Variants in SFI1 observed in about 807,000 individuals in gnomAD.
The protein encoded by SFI1 is protein SFI1 homolog.
SFI1 carries 195 observed loss-of-function variants against 207.5 expected under a neutral mutation model. The observed-to-expected ratio is 0.94, with a 90% CI of 0.84 to 1.06. SFI1 has a LOEUF of 1.06. Ranked by LOEUF, SFI1 falls within the 50% of genes least tolerant of loss-of-function variation. SFI1 has a pLI of 0.00. For missense variants in SFI1, 1,634 were observed against 1,588.0 expected, an observed-to-expected ratio of 1.03 and a Z score of -0.49; for synonymous variants, 630 against 598.9, an observed-to-expected ratio of 1.05 and a Z score of -0.76.
intron 21 of SFI1, chr22:31,606,693 C>CTTTTT (rs10524692): frequency 2.8e-4 from 32 of 115,506 alleles, no homozygotes; most frequent in East Asian, 7.4e-4. Context: ...TTCTTTTTTT[C>CTTTTT]TTTTTTTTTT....
At chr22:31,525,989 GA>G (rs1250089494) in intron 2 of SFI1, among the ~76,000 whole-genome samples, 1 of 152,120 alleles carries the variant, frequency 6.6e-6, no homozygotes, top group Admixed American at 6.6e-5. Context: ...CTATTTATGT[GA>G]AGAATGTCAC....
chr22:31,538,970 A>G (rs1177215690), intron 4 of SFI1, among the ~76,000 whole-genome samples: 2 of 152,180 alleles, frequency 1.3e-5, no homozygotes. Flanking sequence ...ACACCATAGT[A>G]TGCCCGAAAC....
At chr22:31,513,517 C>T (rs549518779) in intron 2 of SFI1, among the ~76,000 whole-genome samples, 8 of 151,908 alleles carry the variant, frequency 5.3e-5, no homozygotes, top group Admixed American at 2.0e-4. Flanking sequence ...ATATAGTACT[C>T]GGGCGTGGTG....
At chr22:31,606,193 G>A in intron 20 of SFI1, 135 bp from the exon 21 acceptor site, 1 of 737,706 alleles carries the variant, frequency 1.4e-6, no homozygotes, top group South Asian at 1.7e-5. Flanking sequence ...AAACATAGGT[G>A]TTGGTGAAAC....
At chr22:31,614,344 A>G (rs755121384) in intron 27 of SFI1, 15 of 369,932 alleles carry the variant, frequency 4.1e-5, no homozygotes, top group Non-Finnish European at 1.6e-5. Flanking sequence ...GCCCTGCCCC[A>G]TGCTGATGAA....
chr22:31,506,885 C>G (rs924301761), intron 1 of SFI1, among the ~76,000 whole-genome samples: 2 of 151,986 alleles, frequency 1.3e-5, no homozygotes, highest in African/African-American at 4.8e-5. Flanking sequence ...GAAAAACATT[C>G]CATGCTCATG....
In SFI1 at chr22:31,614,841, G is replaced by C. The variant is rs764630478; in HGVS notation, c.3049G>C (p.Glu1017Gln). The change falls in exon 28 of 33, where the codon GAG becomes CAG. Residue 1017 changes from glutamate to glutamine, a missense_variant. Physicochemically the swap from Glu to Gln is conservative, Grantham distance 29. Coordinates refer to ENST00000400288, the MANE Select transcript of SFI1 (RefSeq NM_001007467.3). ...KQPRRPHFLLEPAQSQRPQKP... is the reference protein window; with the variant it reads ...KQPRRPHFLLQPAQSQRPQKP... ...GCCGCGACGCCCACACTTCCTGTTGGAGCCTGCGCAGAGCCAGAGGTCCCT... is the reference window on the plus strand; with the variant it reads ...GCCGCGACGCCCACACTTCCTGTTGCAGCCTGCGCAGAGCCAGAGGTCCCT... The C allele has an allele frequency of 4.3e-6, 7 of 1,613,726 alleles. No homozygotes were observed. In the East Asian group the frequency reaches 1.6e-4, roughly 36 times the overall value.
intron 12 of SFI1, among the ~76,000 whole-genome samples, chr22:31,582,786 C>T (rs1404109983): frequency 6.6e-6 from 1 of 152,110 alleles, no homozygotes; most frequent in East Asian, 1.9e-4. Context: ...ATTCTAGAGA[C>T]CTCATAGGTG....
chr22:31,522,856 A>T (rs2057442388), intron 2 of SFI1, among the ~76,000 whole-genome samples: 1 of 152,134 alleles, frequency 6.6e-6, no homozygotes. Context: ...GGGTTTCACC[A>T]TGTTGGCCAG....
Position 31,515,434 on chromosome 22 carries a change from G to C in SFI1, c.92+7058G>C, listed in dbSNP as rs566457424. ...CATGATCATGGCTCACTGCAGCGTC[G>C]ACCTGCCAGCTCATGCAATCCTCCT... On this transcript the variant is annotated intron_variant, in intron 2 of 32. Coordinates refer to ENST00000400288, the MANE Select transcript of SFI1 (RefSeq NM_001007467.3). 2.0e-5 allele frequency among the ~76,000 whole-genome samples: 3 copies of C among 148,742 alleles called. No individual in the cohort carries two copies. In the South Asian group the frequency reaches 6.4e-4, roughly 32 times the overall value.
At chr22:31,606,589 A>C in intron 21 of SFI1, 159 bp downstream of exon 21, 1 of 575,428 alleles carries the variant, frequency 1.7e-6, no homozygotes, top group East Asian at 2.8e-5. Context: ...CCATGTGGGC[A>C]CATGTTTAGT....
intron 22 of SFI1, 107 bp from the exon 23 acceptor site, chr22:31,611,036 T>G: frequency 1.4e-6 from 2 of 1,463,262 alleles, no homozygotes; most frequent in Admixed American, 1.7e-5. Context: ...GCTGGACACC[T>G]GAACTCTATC....
At chr22:31,518,157 T>A (rs569901346) in intron 2 of SFI1, among the ~76,000 whole-genome samples, 1 of 152,284 alleles carries the variant, frequency 6.6e-6, no homozygotes, top group Admixed American at 6.5e-5. Flanking sequence ...TGGCTGTTTT[T>A]TGTATTTTTA....
chr22:31,595,977 G>A (rs192044565), intron 15 of SFI1, among the ~76,000 whole-genome samples: 10 of 152,328 alleles, frequency 6.6e-5, no homozygotes, highest in Admixed American at 5.2e-4. Context: ...TTCAGGCCAG[G>A]TGTGGCGGCT....
At chr22:31,508,152 A>C in intron 1 of SFI1, 103 bp from the exon 2 acceptor site, 1 of 677,344 alleles carries the variant, frequency 1.5e-6, no homozygotes, top group Non-Finnish European at 2.7e-6. Flanking sequence ...CTAGTGTTGA[A>C]TTAAGGAGAG....
chr22:31,596,538 C>T (rs1447038679), intron 15 of SFI1, among the ~76,000 whole-genome samples: 1 of 151,960 alleles, frequency 6.6e-6, no homozygotes, highest in Non-Finnish European at 1.5e-5. Context: ...CACCTGTAAT[C>T]CCAGTACTTG....
At chr22:31,516,841 C>A (rs1306643974) in intron 2 of SFI1, among the ~76,000 whole-genome samples, 2 of 152,112 alleles carry the variant, frequency 1.3e-5, no homozygotes, top group Non-Finnish European at 2.9e-5. Flanking sequence ...GTAATCCCAG[C>A]TACTCGGGAG....
intron 1 of SFI1, among the ~76,000 whole-genome samples, chr22:31,501,613 C>T (rs974417526): frequency 2.0e-4 from 31 of 152,108 alleles, no homozygotes; most frequent in African/African-American, 7.2e-4. Context: ...AACCTTGAGC[C>T]CTCCAGCTGT....
At chr22:31,530,935 C>G (rs569991543) in intron 3 of SFI1, 123 bp from the exon 4 acceptor site, 2 of 723,894 alleles carry the variant, frequency 2.8e-6, no homozygotes, top group Non-Finnish European at 4.7e-6. Context: ...ATGATACCGC[C>G]TTTTGATTCA....
Sources: gnomAD v4.1 joint callset for allele counts (sites outside exome capture counted in the v4.1 genomes callset) on GRCh38, gnomAD v4.1.1 for gene constraint, MANE v1.5 for transcripts, NCBI Gene and HGNC (gene_info 2026-07-23, HGNC 2026-07-21) for gene names.